The following C1orf21 variants were observed in gnomAD, a reference collection of about 807,000 sequenced individuals.
The protein encoded by C1orf21 is chromosome 1 open reading frame 21.
A neutral mutation model predicts 18.7 loss-of-function variants in C1orf21; 3 were observed. That is an observed-to-expected ratio of 0.16 (90% confidence interval 0.07 to 0.42). The LOEUF is 0.42. C1orf21 is among the 10% of genes least tolerant of loss of function. C1orf21 has a pLI of 0.99. For synonymous variants in C1orf21, 41 were observed against 46.4 expected, an observed-to-expected ratio of 0.88 and a Z score of 0.47; for missense variants, 104 against 143.6, an observed-to-expected ratio of 0.72 and a Z score of 1.41.
intron 5 of C1orf21, among the ~76,000 whole-genome samples, chr1:184,601,450 C>G (rs768420716): frequency 6.6e-6 from 1 of 152,128 alleles, no homozygotes; most frequent in Non-Finnish European, 1.5e-5. Context: ...AAGGTGGTTT[C>G]ATATCTATAG....
chr1:184,400,488 T>A (rs1262421700), intron 1 of C1orf21, among the ~76,000 whole-genome samples: 1 of 152,198 alleles, frequency 6.6e-6, no homozygotes, highest in East Asian at 1.9e-4. Context: ...AGCAAAAAGG[T>A]TGCCTACTGT....
chr1:184,547,613 T>G (rs1211778162), intron 3 of C1orf21, among the ~76,000 whole-genome samples: 1 of 152,142 alleles, frequency 6.6e-6, no homozygotes, highest in Non-Finnish European at 1.5e-5. Context: ...AACACAGGAA[T>G]GTTCTCTCTC....
intron 4 of C1orf21, among the ~76,000 whole-genome samples, chr1:184,595,072 G>A (rs191045009): frequency 9.2e-5 from 14 of 152,298 alleles, no homozygotes; most frequent in Admixed American, 2.0e-4. Context: ...CTTTGCCAGC[G>A]CTGACCAAGG....
At chr1:184,457,229 C>T (rs370225365) in intron 1 of C1orf21, among the ~76,000 whole-genome samples, 3 of 152,112 alleles carry the variant, frequency 2.0e-5, no homozygotes, top group South Asian at 2.1e-4. Context: ...GAATTGCATC[C>T]GTTATCTTGA....
At chr1:184,499,220 C>G (rs1657936735) in intron 2 of C1orf21, among the ~76,000 whole-genome samples, 1 of 152,060 alleles carries the variant, frequency 6.6e-6, no homozygotes, top group East Asian at 1.9e-4. Flanking sequence ...GATTTTATTG[C>G]TTGGCCTTAA....
chr1:184,440,920 C>A (rs1656933547), intron 1 of C1orf21, among the ~76,000 whole-genome samples: 1 of 152,160 alleles, frequency 6.6e-6, no homozygotes, highest in Non-Finnish European at 1.5e-5. Flanking sequence ...AATGTTGACA[C>A]CAGAGATAGC....
chr1:184,495,510 T>C (rs772593199), intron 2 of C1orf21, among the ~76,000 whole-genome samples: 2 of 152,186 alleles, frequency 1.3e-5, no homozygotes, highest in African/African-American at 4.8e-5. Flanking sequence ...CATTGTTACC[T>C]TTTAAAGAAA....
chr1:184,495,562 C>G (rs1392540075), intron 2 of C1orf21, among the ~76,000 whole-genome samples: 1 of 152,108 alleles, frequency 6.6e-6, no homozygotes, highest in African/African-American at 2.4e-5. Flanking sequence ...CTCCCTCCCC[C>G]CACTACCAGC....
intron 1 of C1orf21, among the ~76,000 whole-genome samples, chr1:184,407,742 T>C (rs1312148159): frequency 6.6e-6 from 1 of 152,206 alleles, no homozygotes; most frequent in Non-Finnish European, 1.5e-5. Context: ...TGAGGAAATA[T>C]ACTAGGTCTC....
chr1:184,516,379 G>A (rs757007456), intron 3 of C1orf21, among the ~76,000 whole-genome samples: 7 of 152,152 alleles, frequency 4.6e-5, no homozygotes, highest in South Asian at 2.1e-4. Context: ...TACATCCCCC[G>A]CACCTATGGA....
intron 4 of C1orf21, chr1:184,592,197 A>G (rs906277876): frequency 4.6e-5 from 7 of 152,256 alleles, no homozygotes; most frequent in African/African-American, 1.7e-4. Flanking sequence ...AAATGTACAA[A>G]TAACATTATA....
chr1:184,396,344 T>C (rs369418175), intron 1 of C1orf21, among the ~76,000 whole-genome samples: 1 of 152,092 alleles, frequency 6.6e-6, no homozygotes, highest in African/African-American at 2.4e-5. Flanking sequence ...AGGGAGATAC[T>C]GAGAACTGAA....
chr1:184,562,428 C>G (rs764084669), intron 3 of C1orf21, among the ~76,000 whole-genome samples: 2 of 152,222 alleles, frequency 1.3e-5, no homozygotes, highest in Non-Finnish European at 2.9e-5. Flanking sequence ...ACATTTTCAT[C>G]TGCACAGTTT....
At chr1:184,458,371 T>C (rs1364679759) in intron 1 of C1orf21, among the ~76,000 whole-genome samples, 1 of 152,200 alleles carries the variant, frequency 6.6e-6, no homozygotes, top group Non-Finnish European at 1.5e-5. Flanking sequence ...CAAGAGATAC[T>C]AGGTAGGGGT....
chr1:184,582,394 A>G (rs1249847331), intron 3 of C1orf21, among the ~76,000 whole-genome samples: 1 of 152,240 alleles, frequency 6.6e-6, no homozygotes, highest in African/African-American at 2.4e-5. Flanking sequence ...AGTTGTGCAA[A>G]TGTACACACA....
At chr1:184,460,298 A>G (rs939466509) in intron 1 of C1orf21, among the ~76,000 whole-genome samples, 3 of 152,204 alleles carry the variant, frequency 2.0e-5, no homozygotes, top group South Asian at 2.1e-4. Context: ...AACTGCTCCC[A>G]TTGTCAGGAG....
chr1:184,403,669 A>G (rs1656200627), intron 1 of C1orf21, among the ~76,000 whole-genome samples: 2 of 152,254 alleles, frequency 1.3e-5, no homozygotes, highest in Non-Finnish European at 2.9e-5. Flanking sequence ...GGAATAGGCT[A>G]ACCGAAACTC....
intron 1 of C1orf21, among the ~76,000 whole-genome samples, chr1:184,431,395 T>C (rs1345467935): frequency 3.3e-5 from 5 of 152,118 alleles, no homozygotes; most frequent in African/African-American, 1.2e-4. Context: ...ATAAATGGTA[T>C]TGGGAAATCT....
chr1:184,498,951 C>T (rs1371635618), intron 2 of C1orf21, among the ~76,000 whole-genome samples: 2 of 152,198 alleles, frequency 1.3e-5, no homozygotes, highest in African/African-American at 4.8e-5. Context: ...TGCCTTAGTT[C>T]CTTTTCTTTA....
Sources: allele counts gnomAD v4.1 joint callset (sites outside exome capture counted in the v4.1 genomes callset), GRCh38; gene constraint gnomAD v4.1.1; transcripts MANE v1.5; gene names NCBI Gene and HGNC (gene_info 2026-07-23, HGNC 2026-07-21).